The following SCEL variants were observed in gnomAD, a reference collection of about 807,000 sequenced individuals.
The protein encoded by SCEL is sciellin.
In SCEL, 113 loss-of-function variants were observed where a neutral mutation model predicts 117.6. That is an observed-to-expected ratio of 0.96 (90% CI 0.83 to 1.12). The LOEUF is 1.12. Among genes scored for constraint, SCEL ranks in the 50% most tolerant of loss-of-function variants. The probability of loss-of-function intolerance (pLI) is 0.00; values close to 1 mark genes in which losing one functional copy is unlikely to be tolerated. For synonymous variants in SCEL, 270 were observed against 256.2 expected, an observed-to-expected ratio of 1.05 and a Z score of -0.51; for missense variants, 785 against 810.8, an observed-to-expected ratio of 0.97 and a Z score of 0.39.
In SCEL at chr13:77,602,433, G is replaced by A. The variant is rs2087777152; in HGVS notation, c.978-221G>A. 1.2e-5 allele frequency: 6 copies of A among 501,056 alleles called. No individual in the cohort carries two copies. The East Asian group carries it at 1.8e-4, about 15-fold the overall frequency. 31.0% of individuals were successfully genotyped at this position (501,056 alleles called of 1,614,324 possible). A position where few individuals can be genotyped will look rare whatever the true frequency, so the allele number is the denominator to read the frequency against. On this transcript the variant is annotated intron_variant, in intron 16 of 32. Coordinates refer to ENST00000349847, the MANE Select transcript of SCEL (RefSeq NM_144777.3). Reference sequence around the variant, plus strand: ...TAAAGGACAAAATTGCACAGCGAGAGCCACATTGAGAAGCCTTTCTAAACT... The same window carrying A: ...TAAAGGACAAAATTGCACAGCGAGAACCACATTGAGAAGCCTTTCTAAACT...
At chr13:77,589,318 G>A (rs2086736876) in intron 10 of SCEL, 94 bp downstream of exon 10, 5 of 861,322 alleles carry the variant, frequency 5.8e-6, no homozygotes, top group Non-Finnish European at 9.2e-6. Flanking sequence ...AAGCATGAAT[G>A]TTTTGTGTGC....
intron 9 of SCEL, among the ~76,000 whole-genome samples, chr13:77,578,687 C>A (rs1411971498): frequency 1.3e-5 from 2 of 152,122 alleles, no homozygotes; most frequent in African/African-American, 4.8e-5. Context: ...TGATTTTAAG[C>A]ATGGTAATGC....
chr13:77,588,133 C>T (rs1308982566), intron 9 of SCEL, among the ~76,000 whole-genome samples: 1 of 152,074 alleles, frequency 6.6e-6, no homozygotes, highest in Non-Finnish European at 1.5e-5. Flanking sequence ...ATATTGAAAG[C>T]CTTTGAGAAC....
At chr13:77,563,482 AAAC>A (rs1311716181) in intron 4 of SCEL, among the ~76,000 whole-genome samples, 1 of 152,220 alleles carries the variant, frequency 6.6e-6, no homozygotes, top group Non-Finnish European at 1.5e-5. Flanking sequence ...ATGTAGAAAT[AAAC>A]AACATTGACA....
At position 77,611,707 on chromosome 13, in the gene SCEL, C is replaced by T. The variant is rs565506129; in HGVS notation, c.1338-1184C>T. Among the ~76,000 whole-genome samples the T allele has an allele frequency of 3.0e-4, 45 of 152,280 alleles. No homozygotes were observed. The East Asian group carries it at 8.5e-3, about 29-fold the overall frequency. ...ATTTTTTACTTCAGAGAACCTTTTG[C>T]TAGCTGTGTAGTCTTGGACAAATTG... On this transcript the variant is annotated intron_variant, in intron 22 of 32. Transcript: ENST00000349847.
chr13:77,551,243 C>T (rs2084301788), intron 1 of SCEL, among the ~76,000 whole-genome samples: 1 of 152,310 alleles, frequency 6.6e-6, no homozygotes, highest in South Asian at 2.1e-4. Flanking sequence ...AGAGACAATG[C>T]CTGAGAGGTC....
At chr13:77,610,619 A>C (rs905803252) in intron 22 of SCEL, among the ~76,000 whole-genome samples, 8 of 152,182 alleles carry the variant, frequency 5.3e-5, no homozygotes, top group African/African-American at 1.9e-4. Context: ...ATCTCTTACC[A>C]GTATGAGATT....
At chr13:77,588,811 C>T (rs970944365) in intron 9 of SCEL, among the ~76,000 whole-genome samples, 1 of 152,130 alleles carries the variant, frequency 6.6e-6, no homozygotes, top group African/African-American at 2.4e-5. Flanking sequence ...TTACAGTTCT[C>T]ATGCACTGCT....
chr13:77,618,717 TAG>T (rs2089239861), intron 27 of SCEL, among the ~76,000 whole-genome samples: 2 of 152,254 alleles, frequency 1.3e-5, no homozygotes, highest in African/African-American at 4.8e-5. Context: ...CTACAGAAAA[TAG>T]AGTTTTAGGA....
rs1555510777 is a variant in SCEL, at chr13:77,593,295, T to TGCGCGC, written c.693-218_693-217insCGCGCG. On this transcript the variant is annotated intron_variant, in intron 11 of 32. Coordinates refer to ENST00000349847, the MANE Select transcript of SCEL (RefSeq NM_144777.3). ...GTGTGTGTGTGTGTGTGTGTGTGTG[T>TGCGCGC]GTCTGTGTGTGTGTGTGTGTGTGTC... is the stretch of plus-strand genomic sequence containing the variant. 7.4e-3 allele frequency among the ~76,000 whole-genome samples: 1,018 copies of TGCGCGC among 136,876 alleles called. 30 individuals are homozygous for TGCGCGC. Among genetic ancestry groups the TGCGCGC allele is most frequent in the African/African-American group, 0.025 (880 of 35,884 alleles). The allele number at this position is 136,876 out of a possible 152,430, so 89.8% of individuals were successfully genotyped here.
At position 77,556,634 on chromosome 13, in the gene SCEL, C is replaced by A; in HGVS notation, c.82C>A (p.Gln28Lys). ...CACTCAGGGAACCACACGGAAGCAG[C>A]AGGATTTTCACGAGGTGAACAAAAG... is the stretch of plus-strand genomic sequence containing the variant. ...STTQGTTRKQ[Q>K]DFHEVNKRRT... The change falls in exon 3 of 33, where the codon CAG becomes AAG. Residue 28 changes from glutamine to lysine, a missense_variant. Coordinates refer to ENST00000349847, the MANE Select transcript of SCEL (RefSeq NM_144777.3). 1 of 1,614,030 alleles carries A rather than the reference C, an allele frequency of 6.2e-7. No individual in the cohort carries two copies. Among genetic ancestry groups the A allele is most frequent in the Non-Finnish European group, 8.5e-7 (1 of 1,179,936 alleles).
At chr13:77,581,292 A>G (rs9544543) in intron 9 of SCEL, among the ~76,000 whole-genome samples, 15,738 of 152,184 alleles carry the variant, frequency 0.1, 1,351 homozygotes, top group East Asian at 0.44. Context: ...TAAGTTTATT[A>G]TTTTTAAAAT....
At chr13:77,599,257 G>T in intron 13 of SCEL, 72 bp from the exon 14 acceptor site, 2 of 1,057,328 alleles carry the variant, frequency 1.9e-6, no homozygotes, top group South Asian at 2.9e-5. Context: ...ATGTAAACTG[G>T]TCTATGTTCT....
At chr13:77,617,558 A>G in intron 24 of SCEL, 41 bp from the exon 25 acceptor site, 1 of 1,210,752 alleles carries the variant, frequency 8.3e-7, no homozygotes, top group South Asian at 1.3e-5. Flanking sequence ...ACCTGTGATT[A>G]TCTCTAACCC....
At chr13:77,630,703 A>G (rs760672901) in intron 28 of SCEL, among the ~76,000 whole-genome samples, 7 of 152,204 alleles carry the variant, frequency 4.6e-5, no homozygotes, top group Non-Finnish European at 1.0e-4. Flanking sequence ...CACTGTAGGG[A>G]ACATTTTCTC....
chr13:77,603,336 C>CT (rs1461176561), intron 18 of SCEL, among the ~76,000 whole-genome samples: 1 of 152,162 alleles, frequency 6.6e-6, no homozygotes, highest in African/African-American at 2.4e-5. Context: ...AGTAAATTGC[C>CT]TTTTTGCCCA....
At chr13:77,536,056 C>T (rs1477987066) in intron 1 of SCEL, among the ~76,000 whole-genome samples, 4 of 151,994 alleles carry the variant, frequency 2.6e-5, no homozygotes, top group Non-Finnish European at 5.9e-5. Context: ...ATCACAGAAA[C>T]GAGCACCTAT....
At chr13:77,602,788 A>G in intron 17 of SCEL, 75 bp downstream of exon 17, 1 of 1,309,556 alleles carries the variant, frequency 7.6e-7, no homozygotes, top group South Asian at 1.2e-5. Context: ...AGGGCACCAC[A>G]TCTTTGTTTG....
chr13:77,611,301 C>T (rs1214445742), intron 22 of SCEL, among the ~76,000 whole-genome samples: 5 of 152,120 alleles, frequency 3.3e-5, no homozygotes, highest in African/African-American at 1.2e-4. Context: ...TTGGATTTAG[C>T]TTGAGGGCCA....
Sources: allele counts gnomAD v4.1 joint callset (sites outside exome capture counted in the v4.1 genomes callset), GRCh38; gene constraint gnomAD v4.1.1; transcripts MANE v1.5; gene names NCBI Gene and HGNC (gene_info 2026-07-23, HGNC 2026-07-21).